ADRA1D: variants seen among roughly 807,000 people sequenced by gnomAD.
The protein encoded by ADRA1D is alpha-1D adrenergic receptor.
A neutral mutation model predicts 18.6 loss-of-function variants in ADRA1D; 22 were observed. The observed-to-expected ratio is 1.19, with a 90% CI of 0.85 to 1.69. ADRA1D has a LOEUF of 1.69. Among genes scored for constraint, ADRA1D ranks in the 40% most tolerant of loss-of-function variants. ADRA1D has a pLI of 0.00. For missense variants in ADRA1D, 840 were observed against 840.7 expected, an observed-to-expected ratio of 1.00 and a Z score of 0.01; for synonymous variants, 376 against 388.2, an observed-to-expected ratio of 0.97 and a Z score of 0.37.
intron 1 of ADRA1D, among the ~76,000 whole-genome samples, chr20:4,240,174 AC>A (rs1477297553): frequency 1.3e-5 from 2 of 152,210 alleles, no homozygotes; most frequent in Non-Finnish European, 2.9e-5. Flanking sequence ...TACAGGATAC[AC>A]CTGGGGACAA....
intron 1 of ADRA1D, among the ~76,000 whole-genome samples, chr20:4,227,484 C>T (rs1394976928): frequency 6.6e-6 from 1 of 152,124 alleles, no homozygotes; most frequent in Non-Finnish European, 1.5e-5. Context: ...CACTTGGCAT[C>T]TAGTAGGTAC....
In ADRA1D at chr20:4,248,438, C is replaced by A. The variant is rs1479633574; in HGVS notation, c.520G>T (p.Ala174Ser). ...FGRAFCDVWA[A>S]VDVLCCTASI... ...GCCGTGCAGCACAGCACGTCCACGG[C>A]GGCCCATACGTCGCAGAAGGCGCGG... Residue 174 changes from alanine to serine, a missense_variant, in exon 1 of 2, where the codon GCC (alanine) becomes TCC (serine). Coordinates refer to ENST00000379453, the MANE Select transcript of ADRA1D (RefSeq NM_000678.4). 3.7e-6 allele frequency: 6 copies of A among 1,611,600 alleles called. No individual in the cohort carries two copies. The East Asian group carries it at 6.7e-5, about 18-fold the overall frequency.
At chr20:4,234,729 T>C (rs1048546873) in intron 1 of ADRA1D, among the ~76,000 whole-genome samples, 4 of 152,098 alleles carry the variant, frequency 2.6e-5, no homozygotes, top group Non-Finnish European at 4.4e-5. Flanking sequence ...CGCTACATTA[T>C]AAAGGGTCAG....
intron 1 of ADRA1D, among the ~76,000 whole-genome samples, chr20:4,242,858 T>TTGTG (rs143064051): frequency 2.0e-5 from 3 of 151,004 alleles, no homozygotes; most frequent in Admixed American, 6.6e-5. Context: ...GGTGGGGCTG[T>TTGTG]TGTGTGTGTG....
intron 1 of ADRA1D, among the ~76,000 whole-genome samples, chr20:4,237,487 G>A (rs1490429487): frequency 6.6e-6 from 1 of 150,718 alleles, no homozygotes; most frequent in Non-Finnish European, 1.5e-5. Flanking sequence ...AAGAAAAAGA[G>A]CCCTCTGAAT....
rs1331743453 is a variant in ADRA1D, at chr20:4,222,820, A to G, written c.1112-690T>C. On this transcript the variant is annotated intron_variant, in intron 1 of 1. Transcript: ENST00000379453. The surrounding 1 kb of genome is among the most constrained non-coding windows in gnomAD (Gnocchi z 4.3). ...CCCGCGCTACCTATATATAAACAGT[A>G]GATTAAACTACTGTGCTGGAGCAGT... is the stretch of plus-strand genomic sequence containing the variant. Among the ~76,000 whole-genome samples the G allele has an allele frequency of 6.6e-6, 1 of 152,256 alleles. No homozygotes were observed. Among genetic ancestry groups the G allele is most frequent in the African/African-American group, 2.4e-5 (1 of 41,464 alleles).
chr20:4,248,753 C>A lies in ADRA1D; in HGVS notation c.205G>T (p.Ala69Ser). The change falls in exon 1 of 2, where the codon GCG becomes TCG. Residue 69 changes from alanine to serine, a missense_variant. Coordinates refer to ENST00000379453, the MANE Select transcript of ADRA1D (RefSeq NM_000678.4). ...AGSGEDNRSS[A>S]GEPGSAGAGG... ...GCGCCCGCGCTCCCCGGCTCCCCCGCGGAGCTCCGGTTGTCCTCGCCGCTG... is the reference window on the plus strand; with the variant it reads ...GCGCCCGCGCTCCCCGGCTCCCCCGAGGAGCTCCGGTTGTCCTCGCCGCTG... 1 of 1,506,988 alleles carries A rather than the reference C, an allele frequency of 6.6e-7. No homozygotes were observed. The highest frequency in any genetic ancestry group is 8.9e-7 in the Non-Finnish European group (1 of 1,127,982). The allele number at this position is 1,506,988 out of a possible 1,614,324, so 93.4% of individuals were successfully genotyped here. A position where few individuals can be genotyped will look rare whatever the true frequency, so the allele number is the denominator to read the frequency against.
chr20:4,248,180 C>T lies in ADRA1D; in HGVS notation c.778G>A (p.Val260Met), dbSNP rs1568770275. The T allele has an allele frequency of 1.1e-5, 17 of 1,586,258 alleles. No homozygotes were observed. The Admixed American group carries it at 2.7e-4, about 25-fold the overall frequency. Residue 260 changes from valine (V) to methionine (M), a missense_variant, in exon 1 of 2, where the codon GTG becomes ATG. Transcript: ENST00000379453. Reference sequence around the variant, plus strand: ...GCCATGGGCAGGTAGAAGGAGCACACGGAGGAGAAGACAGCGTAGCCCGCC... The same window carrying T: ...GCCATGGGCAGGTAGAAGGAGCACATGGAGGAGAAGACAGCGTAGCCCGCC... ...EEAGYAVFSS[V>M]CSFYLPMAVI... is the part of the protein sequence containing the mutation.
At chr20:4,237,290 G>A (rs1326497260) in intron 1 of ADRA1D, among the ~76,000 whole-genome samples, 3 of 152,116 alleles carry the variant, frequency 2.0e-5, no homozygotes, top group Non-Finnish European at 4.4e-5. Flanking sequence ...TACTGGGGAG[G>A]CTGAGATGTG....
At chr20:4,241,794 G>A (rs535908986) in intron 1 of ADRA1D, among the ~76,000 whole-genome samples, 28 of 152,238 alleles carry the variant, frequency 1.8e-4, no homozygotes, top group East Asian at 5.8e-4. Flanking sequence ...TCCACTCTCC[G>A]CACGGGGCCA....
Position 4,239,459 on chromosome 20 carries a change from C to G in ADRA1D, c.1111+8388G>C, listed in dbSNP as rs989077091. On this transcript the variant is annotated intron_variant, in intron 1 of 1. Coordinates refer to ENST00000379453, the MANE Select transcript of ADRA1D (RefSeq NM_000678.4). This position sits in a 1 kb window ranked among gnomAD's most constrained non-coding sequence, Gnocchi z 4.9. ...ATCTGTCCATTGAATCAGTGACCAA[C>G]TCAGTATCAATGAACAGCTCAGTCA... Among the ~76,000 whole-genome samples, 2 of 152,218 alleles carry G rather than the reference C, an allele frequency of 1.3e-5. No homozygotes were observed. Among genetic ancestry groups the G allele is most frequent in the African/African-American group, 4.8e-5 (2 of 41,440 alleles).
At chr20:4,235,969 C>T (rs368660621) in intron 1 of ADRA1D, among the ~76,000 whole-genome samples, 1 of 152,174 alleles carries the variant, frequency 6.6e-6, no homozygotes, top group East Asian at 1.9e-4. Flanking sequence ...GGGGCCATGT[C>T]CCATGGCAGT....
At chr20:4,245,283 C>T (rs533402850) in intron 1 of ADRA1D, among the ~76,000 whole-genome samples, 2 of 152,306 alleles carry the variant, frequency 1.3e-5, no homozygotes, top group East Asian at 3.9e-4. Context: ...GGTGAAATGG[C>T]AAATTGAAGA....
chr20:4,231,436 G>C (rs997847233), intron 1 of ADRA1D, among the ~76,000 whole-genome samples: 9 of 151,996 alleles, frequency 5.9e-5, no homozygotes, highest in African/African-American at 1.9e-4. Context: ...TTTTCTAAAA[G>C]GCATGTTTTT....
Position 4,238,684 on chromosome 20 carries a change from C to T in ADRA1D, c.1111+9163G>A, listed in dbSNP as rs139903389. On this transcript the variant is annotated intron_variant, in intron 1 of 1. Coordinates refer to ENST00000379453, the MANE Select transcript of ADRA1D (RefSeq NM_000678.4). ...CTAGACCCTGGTTTGCACTAGCTTG[C>T]TACAATTTCAGAAATGCTGTGAGCT... Among the ~76,000 whole-genome samples the T allele has an allele frequency of 2.1e-3, 320 of 152,294 alleles. 1 individual carries two copies. Among genetic ancestry groups the T allele is most frequent in the Non-Finnish European group, 3.0e-3 (202 of 68,012 alleles).
At chr20:4,243,427 C>G (rs147225267) in intron 1 of ADRA1D, among the ~76,000 whole-genome samples, 221 of 152,324 alleles carry the variant, frequency 1.5e-3, no homozygotes, top group African/African-American at 4.8e-3. Flanking sequence ...CCAGCCCGCA[C>G]CAGCTTGCTG....
rs1169752417 is a variant in ADRA1D at position 4,222,010 on chromosome 20, C to A, written c.1232G>T (p.Arg411Leu). ...IYPCSSREFKRAFLRLLRCQC... is the reference protein window; with the variant it reads ...IYPCSSREFKLAFLRLLRCQC... ...GCAGCGCAGGAGACGGAGGAAGGCG[C>A]GCTTGAACTCGCGGCTGGAACAGGG... The change falls in exon 2 of 2, where the codon CGC becomes CTC. Residue 411 changes from arginine (R) to leucine (L), a missense_variant. Physicochemically the swap from Arg to Leu is moderately radical, Grantham distance 102 (BLOSUM62 -2). Coordinates refer to ENST00000379453, the MANE Select transcript of ADRA1D (RefSeq NM_000678.4). This position sits in a 1 kb window ranked among gnomAD's most constrained non-coding sequence, Gnocchi z 4.3. The A allele has an allele frequency of 6.3e-7, 1 of 1,598,100 alleles. No individual in the cohort carries two copies. Among genetic ancestry groups the A allele is most frequent in the Non-Finnish European group, 8.5e-7 (1 of 1,172,314 alleles).
At chr20:4,238,634 T>G (rs1981150563) in intron 1 of ADRA1D, among the ~76,000 whole-genome samples, 1 of 152,194 alleles carries the variant, frequency 6.6e-6, no homozygotes, top group African/African-American at 2.4e-5. Context: ...ATGGAAAGTG[T>G]GACTTTTCTA....
At chr20:4,247,521 C>G (rs1981362258) in intron 1 of ADRA1D, among the ~76,000 whole-genome samples, 1 of 152,232 alleles carries the variant, frequency 6.6e-6, no homozygotes, top group Admixed American at 6.5e-5. Context: ...GACACATACA[C>G]TGCCGACCAC....
Sources: allele counts gnomAD v4.1 joint callset (sites outside exome capture counted in the v4.1 genomes callset), GRCh38; gene constraint gnomAD v4.1.1; non-coding constraint Gnocchi (gnomAD v3.1); transcripts MANE v1.5; gene names NCBI Gene and HGNC (gene_info 2026-07-23, HGNC 2026-07-21).